Variants in AAK1 observed in about 807,000 individuals in gnomAD.
The protein encoded by AAK1 is AP2-associated protein kinase 1.
In AAK1, 37 loss-of-function variants were observed where a neutral mutation model predicts 116.0. The ratio of observed to expected loss-of-function variants is 0.32; its 90% CI spans 0.25 to 0.42. The LOEUF is 0.42. AAK1 is among the 10% of genes least tolerant of loss of function. The pLI, the probability that AAK1 is intolerant of heterozygous loss-of-function variation, is 1.00. For missense variants in AAK1, 919 were observed against 1,170.6 expected, an observed-to-expected ratio of 0.79 and a Z score of 3.14; for synonymous variants, 458 against 439.9, an observed-to-expected ratio of 1.04 and a Z score of -0.51.
At chr2:69,620,562 C>T (rs1674564453) in intron 2 of AAK1, among the ~76,000 whole-genome samples, 1 of 152,206 alleles carries the variant, frequency 6.6e-6, no homozygotes, top group African/African-American at 2.4e-5. Context: ...TTGCAGAGGT[C>T]AATGCCACTC....
chr2:69,620,914 T>G (rs144392091), intron 2 of AAK1, among the ~76,000 whole-genome samples: 1 of 152,222 alleles, frequency 6.6e-6, no homozygotes, highest in African/African-American at 2.4e-5. Context: ...CCTAGATATC[T>G]TTCCTTAAAA....
intron 2 of AAK1, among the ~76,000 whole-genome samples, chr2:69,637,519 T>C (rs148231848): frequency 1.3e-5 from 2 of 152,328 alleles, no homozygotes; most frequent in South Asian, 2.1e-4. Flanking sequence ...CACCAAAATA[T>C]GGCTCCATAA....
intron 10 of AAK1, among the ~76,000 whole-genome samples, chr2:69,521,721 T>C (rs1057045201): frequency 6.6e-6 from 1 of 152,184 alleles, no homozygotes; most frequent in African/African-American, 2.4e-5. Context: ...TGTAAGAAGA[T>C]TATCAGGTGG....
Position 69,544,486 on chromosome 2 carries a change from A to T in AAK1, c.341T>A (p.Val114Glu), listed in dbSNP as rs1193150997. ...VGYIDSSINNVSSGDVWEVLI... is the reference protein window; with the variant it reads ...VGYIDSSINNESSGDVWEVLI... Reference sequence around the variant, plus strand: ...CACTTCCCATACATCACCGCTACTCACGTTGTTGATACTAGAATCAATGTA... The same window carrying T: ...CACTTCCCATACATCACCGCTACTCTCGTTGTTGATACTAGAATCAATGTA... Residue 114 changes from valine (V) to glutamate (E), a missense_variant, in exon 4 of 22, where the codon GTG (valine) becomes GAG (glutamate). Coordinates refer to ENST00000409085, the MANE Select transcript of AAK1 (RefSeq NM_014911.5). The T allele has an allele frequency of 3.7e-6, 6 of 1,613,712 alleles. No individual in the cohort carries two copies. In the Admixed American group the frequency reaches 1.0e-4, roughly 27 times the overall value.
rs538522614 is a variant in AAK1, at chr2:69,459,303, G to T, written c.*16566C>A. The T allele has an allele frequency of 1.3e-5, 2 of 152,290 alleles. No homozygotes were observed. Among genetic ancestry groups the T allele is most frequent in the Non-Finnish European group, 2.9e-5 (2 of 68,068 alleles). The allele number at this position is 152,290 out of a possible 1,614,324, so 9.4% of individuals were successfully genotyped here. On this transcript the variant is annotated 3_prime_UTR_variant, in exon 22 of 22. Transcript: ENST00000409085. ...TTTTGAGACAGGGTCTGGCTCTATT[G>T]CCTGGGCTGGAGTGCAGTGACACGA...
At chr2:69,493,158 C>CAA (rs574490585) in intron 17 of AAK1, among the ~76,000 whole-genome samples, 703 of 37,542 alleles carry the variant, frequency 0.019, 88 homozygotes, top group African/African-American at 0.045. Flanking sequence ...GACTCCGTCT[C>CAA]AAAAAAAAAA....
intron 2 of AAK1, among the ~76,000 whole-genome samples, chr2:69,611,688 C>T (rs1011367729): frequency 6.6e-6 from 1 of 152,122 alleles, no homozygotes; most frequent in African/African-American, 2.4e-5. Context: ...AAGAGAGATA[C>T]GTATACCCAT....
At chr2:69,483,049 T>G (rs1459769494) in intron 17 of AAK1, among the ~76,000 whole-genome samples, 1 of 152,212 alleles carries the variant, frequency 6.6e-6, no homozygotes, top group East Asian at 1.9e-4. Context: ...GATGCTGTCC[T>G]GGGTGCGTCT....
intron 2 of AAK1, 66 bp downstream of exon 2, chr2:69,642,812 T>C (rs1675800699): frequency 1.2e-6 from 2 of 1,605,474 alleles, no homozygotes; most frequent in Non-Finnish European, 1.7e-6. Context: ...ATGCAACAAC[T>C]AGAAACCACA....
chr2:69,521,383 G>A (rs144570489), intron 10 of AAK1, among the ~76,000 whole-genome samples: 2 of 152,336 alleles, frequency 1.3e-5, no homozygotes, highest in African/African-American at 4.8e-5. Context: ...GCAAAGAGAG[G>A]TTTGAGGCAC....
chr2:69,582,387 G>A (rs13431539), intron 2 of AAK1, among the ~76,000 whole-genome samples: 12 of 150,684 alleles, frequency 8.0e-5, no homozygotes, highest in African/African-American at 2.5e-4. Context: ...GTGTGTGCAC[G>A]TGTGTGTGTG....
chr2:69,514,768 G>T lies in AAK1; in HGVS notation c.1498-19C>A, dbSNP rs1198033461. ...CCTGAAACTGAGCAAGAAATGAGGA[G>T]ATGAATAAGGGCCTGTCCCAGAATA... On this transcript the variant is annotated intron_variant, in intron 12 of 21. Coordinates refer to ENST00000409085, the MANE Select transcript of AAK1 (RefSeq NM_014911.5). 1 of 1,554,398 alleles carries T rather than the reference G, an allele frequency of 6.4e-7. No homozygotes were observed.
At chr2:69,559,981 G>A (rs1185776089) in intron 2 of AAK1, among the ~76,000 whole-genome samples, 2 of 152,166 alleles carry the variant, frequency 1.3e-5, no homozygotes, top group Non-Finnish European at 2.9e-5. Context: ...TAAGCACAAT[G>A]GCTGACAAGA....
At chr2:69,500,686 T>TACACAC (rs1293878729) in intron 16 of AAK1, among the ~76,000 whole-genome samples, 1 of 110,466 alleles carries the variant, frequency 9.1e-6, no homozygotes, top group African/African-American at 4.0e-5. Context: ...TATATATATA[T>TACACAC]ATATATATAT....
chr2:69,598,265 C>A (rs1046623988), intron 2 of AAK1: 1 of 394,012 alleles, frequency 2.5e-6, no homozygotes, highest in Middle Eastern at 3.5e-4. Context: ...ACAGGTTATC[C>A]TCTGAGTAAC....
chr2:69,485,375 A>G (rs1044693064), intron 17 of AAK1, among the ~76,000 whole-genome samples: 13 of 152,190 alleles, frequency 8.5e-5, no homozygotes, highest in Non-Finnish European at 1.0e-4. Context: ...ACCTTCTGAC[A>G]TTATCTCCTC....
intron 16 of AAK1, among the ~76,000 whole-genome samples, chr2:69,503,768 A>C (rs1265348325): frequency 2.0e-5 from 3 of 152,224 alleles, no homozygotes; most frequent in Admixed American, 6.5e-5. Flanking sequence ...CGATCTGCCC[A>C]CCTCGGCCTC....
intron 17 of AAK1, among the ~76,000 whole-genome samples, chr2:69,488,074 A>C (rs1316686449): frequency 6.6e-6 from 1 of 151,630 alleles, no homozygotes; most frequent in East Asian, 1.9e-4. Flanking sequence ...GTGCTCGGCC[A>C]AGTTTTGCAT....
chr2:69,611,053 A>G (rs1674055004), intron 2 of AAK1, among the ~76,000 whole-genome samples: 1 of 152,170 alleles, frequency 6.6e-6, no homozygotes, highest in South Asian at 2.1e-4. Context: ...TTAGGTGTCA[A>G]TTTGACTGGA....
Sources: allele counts gnomAD v4.1 joint callset (sites outside exome capture counted in the v4.1 genomes callset), GRCh38; gene constraint gnomAD v4.1.1; transcripts MANE v1.5; gene names NCBI Gene and HGNC (gene_info 2026-07-23, HGNC 2026-07-21).